Variants in PCDH15 observed in about 807,000 individuals in gnomAD.
The protein encoded by PCDH15 is protocadherin-15.
PCDH15 carries 129 observed loss-of-function variants against 178.5 expected under a neutral mutation model. The observed-to-expected ratio is 0.72, with a 90% confidence interval of 0.63 to 0.84. The LOEUF (loss-of-function observed/expected upper bound fraction) is 0.84, where lower values mean the gene tolerates loss of function less well. Among genes scored for constraint, PCDH15 ranks in the 40% least tolerant of loss-of-function variants. The pLI is 0.00. For missense variants in PCDH15, 2,230 were observed against 2,099.9 expected (o/e 1.06, Z -1.21); for synonymous variants, 800 against 732.0 (o/e 1.09, Z -1.50).
chr10:55,245,484 T>C (rs1251571391), intron 1 of PCDH15, among the ~76,000 whole-genome samples: 1 of 152,164 alleles, frequency 6.6e-6, no homozygotes, highest in Admixed American at 6.5e-5. Context: ...ATATTTTTAT[T>C]CTGACCCAAG....
chr10:54,410,817 A>G (rs1221043816), intron 3 of PCDH15, among the ~76,000 whole-genome samples: 1 of 152,106 alleles, frequency 6.6e-6, no homozygotes, highest in Non-Finnish European at 1.5e-5. Context: ...TTCCAAGGCA[A>G]CAGTTACTTT....
chr10:55,354,854 C>A (rs950581594), intron 2 of PCDH15, among the ~76,000 whole-genome samples: 1 of 151,926 alleles, frequency 6.6e-6, no homozygotes, highest in African/African-American at 2.4e-5. Context: ...AATCAAGACA[C>A]AGAGCAATTC....
intron 8 of PCDH15, among the ~76,000 whole-genome samples, chr10:54,281,725 G>C (rs1417001788): frequency 1.3e-5 from 2 of 151,894 alleles, no homozygotes; most frequent in African/African-American, 4.8e-5. Flanking sequence ...TCTATACTAG[G>C]AAAGATAATT....
chr10:54,168,716 G>A (rs1446066750), intron 13 of PCDH15, among the ~76,000 whole-genome samples: 702 of 145,562 alleles, frequency 4.8e-3, no homozygotes, highest in African/African-American at 0.018. Flanking sequence ...GTGTTTGGCA[G>A]CAACCCTGAG....
intron 1 of PCDH15, among the ~76,000 whole-genome samples, chr10:54,770,848 T>C (rs1949009816): frequency 6.6e-6 from 1 of 152,062 alleles, no homozygotes; most frequent in Non-Finnish European, 1.5e-5. Context: ...CCTTATTTTG[T>C]CCTTCCTGAG....
rs527971322 is a variant in PCDH15 at position 55,594,859 on chromosome 10, T to A, written c.-156+32766A>T. On this transcript the variant is annotated intron_variant, in intron 2 of 5. Coordinates refer to the PCDH15 transcript ENST00000613346. Reference sequence around the variant, plus strand: ...TGGTGATGTGACAAGAAAGGTCTTCTGTAGAACTGAACTGCAATAATATGG... The same window carrying A: ...TGGTGATGTGACAAGAAAGGTCTTCAGTAGAACTGAACTGCAATAATATGG... Among the ~76,000 whole-genome samples the A allele has an allele frequency of 7.2e-5, 11 of 152,180 alleles. No individual in the cohort carries two copies. In the South Asian group the frequency reaches 2.3e-3, roughly 32 times the overall value.
rs143727588 is a variant in PCDH15 at position 55,386,982 on chromosome 10, G to T, written c.-155-220331C>A. Among the ~76,000 whole-genome samples the T allele has an allele frequency of 3.7e-3, 567 of 152,084 alleles. 4 individuals carry two copies. The highest frequency in any genetic ancestry group is 0.011 in the African/African-American group (472 of 41,526). On this transcript the variant is annotated intron_variant, in intron 2 of 5. Coordinates refer to the PCDH15 transcript ENST00000613346. ...GTGCATGTCCACATATATTTTTGGA[G>T]GAAATCGTGAGAAACTATTAACAAT...
chr10:54,369,128 C>G lies in PCDH15; in HGVS notation c.466G>C (p.Val156Leu), dbSNP rs534173969. The change falls in exon 5 of 38, where the codon GTG becomes CTG. Residue 156 changes from valine to leucine, a missense_variant. Coordinates refer to ENST00000644397, the MANE Select transcript of PCDH15 (RefSeq NM_001384140.1). ...AGTAAATAGAAACTGACCTCATTCACTGTGGCATAGTAGCTTTCATGCTTG... is the reference window on the plus strand; with the variant it reads ...AGTAAATAGAAACTGACCTCATTCAGTGTGGCATAGTAGCTTTCATGCTTG... Reference protein sequence around the residue: ...TFKHESYYATVNELTPVGTTI... With the variant: ...TFKHESYYATLNELTPVGTTI... The G allele has an allele frequency of 4.3e-5, 69 of 1,612,754 alleles. No homozygotes were observed. The highest frequency in any genetic ancestry group is 5.5e-5 in the Non-Finnish European group (65 of 1,179,268).
chr10:54,065,964 G>T (rs2094129613), intron 18 of PCDH15, among the ~76,000 whole-genome samples: 1 of 152,170 alleles, frequency 6.6e-6, no homozygotes. Context: ...CTGTGGAAAA[G>T]TCAGAACCTT....
At chr10:53,861,573 T>C (rs978639706) in intron 27 of PCDH15, among the ~76,000 whole-genome samples, 20 of 152,176 alleles carry the variant, frequency 1.3e-4, no homozygotes, top group African/African-American at 3.9e-4. Context: ...AAATCACATA[T>C]GTAATTTTAA....
intron 2 of PCDH15, among the ~76,000 whole-genome samples, chr10:55,553,837 GATA>G (rs1842041904): frequency 6.6e-6 from 1 of 152,008 alleles, no homozygotes; most frequent in East Asian, 1.9e-4. Flanking sequence ...TGATTATGGT[GATA>G]ATGACGATGC....
chr10:54,985,940 C>T (rs1440591498), intron 2 of PCDH15, among the ~76,000 whole-genome samples: 2 of 152,110 alleles, frequency 1.3e-5, no homozygotes, highest in East Asian at 1.9e-4. Flanking sequence ...TGGCGTTAGG[C>T]CTTAGAGTCA....
At chr10:55,204,298 A>C (rs1840333808) in intron 1 of PCDH15, among the ~76,000 whole-genome samples, 1 of 150,612 alleles carries the variant, frequency 6.6e-6, no homozygotes, top group Admixed American at 6.7e-5. Context: ...TTTTATGTAT[A>C]TATACACATA....
intron 21 of PCDH15, among the ~76,000 whole-genome samples, chr10:53,973,608 T>C (rs2660172): frequency 0.72 from 109,734 of 152,066 alleles, 39,884 homozygotes; most frequent in East Asian, 0.87. Context: ...TAAATTACTT[T>C]TTTGGTTCCG....
At chr10:55,127,088 CAACT>C (rs1837920856) in intron 2 of PCDH15, among the ~76,000 whole-genome samples, 1 of 151,962 alleles carries the variant, frequency 6.6e-6, no homozygotes, top group Non-Finnish European at 1.5e-5. Context: ...TCTGACTCTG[CAACT>C]AACTGACAAT....
chr10:54,165,091 A>G (rs1769336000), intron 13 of PCDH15, among the ~76,000 whole-genome samples: 1 of 152,196 alleles, frequency 6.6e-6, no homozygotes, highest in Non-Finnish European at 1.5e-5. Context: ...GAAGTTCTTC[A>G]ATAACTCCTG....
intron 25 of PCDH15, among the ~76,000 whole-genome samples, chr10:53,912,680 T>G (rs1367593171): frequency 6.6e-6 from 1 of 152,120 alleles, no homozygotes; most frequent in African/African-American, 2.4e-5. Context: ...ATGAGTGAAC[T>G]TCCATTCACA....
intron 2 of PCDH15, among the ~76,000 whole-genome samples, chr10:55,572,632 C>T (rs879492811): frequency 4.6e-5 from 7 of 151,678 alleles, no homozygotes; most frequent in African/African-American, 1.5e-4. Context: ...ATGTCATGTA[C>T]GGATTTTGGT....
chr10:53,947,308 G>A (rs1206535315), intron 23 of PCDH15, among the ~76,000 whole-genome samples: 2 of 152,026 alleles, frequency 1.3e-5, no homozygotes, highest in East Asian at 1.9e-4. Flanking sequence ...AGTAAATGTT[G>A]TATGTGTCAA....
Sources: gnomAD v4.1 joint callset for allele counts (sites outside exome capture counted in the v4.1 genomes callset) on GRCh38, gnomAD v4.1.1 for gene constraint, MANE v1.5 for transcripts, NCBI Gene and HGNC (gene_info 2026-07-23, HGNC 2026-07-21) for gene names.